Variants in PDCD6 observed in about 807,000 individuals in gnomAD.
PDCD6 encodes programmed cell death protein 6.
In PDCD6, 12 loss-of-function variants were observed where a neutral mutation model predicts 28.3. The observed-to-expected ratio is 0.42, with a 90% CI of 0.27 to 0.69. PDCD6 has a LOEUF of 0.69. Ranked by LOEUF, PDCD6 falls within the 30% of genes least tolerant of loss-of-function variation. PDCD6 has a pLI of 0.22. For synonymous variants in PDCD6, 92 were observed against 108.0 expected, an observed-to-expected ratio of 0.85 and a Z score of 0.92; for missense variants, 226 against 269.9, an observed-to-expected ratio of 0.84 and a Z score of 1.14.
intron 2 of PDCD6, chr5:288,852 T>C: frequency 6.7e-7 from 1 of 1,492,540 alleles, no homozygotes; most frequent in Non-Finnish European, 9.0e-7. Flanking sequence ...CATTGGTTCA[T>C]CGGTGACTTC....
chr5:311,747 G>T, intron 5 of PDCD6: 1 of 261,516 alleles, frequency 3.8e-6, no homozygotes, highest in Non-Finnish European at 7.3e-6. Context: ...AGACGGGAGT[G>T]CAGTGGCACG....
intron 2 of PDCD6, among the ~76,000 whole-genome samples, chr5:287,197 G>A (rs1579500925): frequency 6.6e-6 from 1 of 152,176 alleles, no homozygotes; most frequent in Non-Finnish European, 1.5e-5. Flanking sequence ...TTTGGAGCTG[G>A]AGACCTGTGG....
chr5:314,528 G>C lies in PDCD6; in HGVS notation c.*13G>C, dbSNP rs773289429. The C allele has an allele frequency of 6.3e-7, 1 of 1,577,626 alleles. No individual in the cohort carries two copies. The highest frequency in any genetic ancestry group is 8.7e-7 in the Non-Finnish European group (1 of 1,147,250). ...CAGTATCGTATGACCCTGGCCTCTC[G>C]TGAAGAGCAGCACAACATGGAAAGA... On this transcript the variant is annotated 3_prime_UTR_variant, in exon 6 of 6. Coordinates refer to ENST00000264933, the MANE Select transcript of PDCD6 (RefSeq NM_013232.4).
At chr5:273,285 C>T in intron 2 of PDCD6, 1 of 161,506 alleles carries the variant, frequency 6.2e-6, no homozygotes, top group South Asian at 1.6e-4. Flanking sequence ...GAGGCGCTGG[C>T]CAGGGGATTA....
At chr5:272,014 C>T (rs1243733749) in intron 1 of PDCD6, among the ~76,000 whole-genome samples, 193 bp downstream of exon 1, 1 of 151,984 alleles carries the variant, frequency 6.6e-6, no homozygotes, top group African/African-American at 2.4e-5. Flanking sequence ...GCGGCCGCCC[C>T]CGTCCCCTGG....
chr5:282,281 G>C (rs1264381705), intron 2 of PDCD6, among the ~76,000 whole-genome samples: 21 of 126,944 alleles, frequency 1.7e-4, no homozygotes, highest in Admixed American at 1.2e-3. Context: ...TCGGGGGGGG[G>C]GGAGCTGATG....
At chr5:289,794 A>G in intron 2 of PDCD6, 1 of 1,108,878 alleles carries the variant, frequency 9.0e-7, no homozygotes, top group Non-Finnish European at 1.4e-6. Flanking sequence ...TTGGTCGATT[A>G]CGTGGTCTGG....
Position 314,587 on chromosome 5 carries a change from T to C in PDCD6, c.*72T>C, listed in dbSNP as rs756806245. ...GTCACAGTTCCTATCTGTGAGGGAA[T>C]GGAGCACAGGTGCAGTTAGATGCTG... On this transcript the variant is annotated 3_prime_UTR_variant, in exon 6 of 6. Coordinates refer to ENST00000264933, the MANE Select transcript of PDCD6 (RefSeq NM_013232.4). 1 of 1,080,190 alleles carries C rather than the reference T, an allele frequency of 9.3e-7. No homozygotes were observed. The highest frequency in any genetic ancestry group is 1.4e-6 in the Non-Finnish European group (1 of 699,722). The allele number at this position is 1,080,190 out of a possible 1,614,324, so 66.9% of individuals were successfully genotyped here.
At chr5:276,536 A>C in intron 2 of PDCD6, 1 of 977,226 alleles carries the variant, frequency 1.0e-6, no homozygotes, top group Non-Finnish European at 1.2e-6. Context: ...CCTAGGCTCA[A>C]GTGATCCTCC....
intron 2 of PDCD6, among the ~76,000 whole-genome samples, chr5:292,260 C>T (rs1381033006): frequency 6.6e-6 from 1 of 152,070 alleles, no homozygotes; most frequent in Non-Finnish European, 1.5e-5. Context: ...TTTTATTATT[C>T]CTATTGTTAT....
intron 2 of PDCD6, among the ~76,000 whole-genome samples, chr5:297,642 G>A (rs536582955): frequency 5.9e-5 from 9 of 152,256 alleles, no homozygotes; most frequent in Admixed American, 2.6e-4. Context: ...ACCTGTGCCC[G>A]TGGTGAGAAC....
intron 5 of PDCD6, 29 bp from the exon 6 acceptor site, chr5:314,388 C>T (rs751222340): frequency 3.3e-6 from 5 of 1,526,834 alleles, no homozygotes; most frequent in African/African-American, 2.7e-5. Context: ...CATTTACTAT[C>T]GAGATTTAAA....
intron 2 of PDCD6, among the ~76,000 whole-genome samples, chr5:301,790 T>A (rs551739106): frequency 3.3e-5 from 5 of 150,528 alleles, no homozygotes; most frequent in Non-Finnish European, 7.4e-5. Context: ...CTGCTCTGTG[T>A]GTATGCCTCG....
In PDCD6 at chr5:307,522, G is replaced by A. The variant is rs931370365; in HGVS notation, c.367+762G>A. Among the ~76,000 whole-genome samples the A allele has an allele frequency of 2.6e-5, 4 of 152,202 alleles. No individual in the cohort carries two copies. Among genetic ancestry groups the A allele is most frequent in the African/African-American group, 7.2e-5 (3 of 41,450 alleles). On this transcript the variant is annotated intron_variant, in intron 4 of 5. Coordinates refer to ENST00000264933, the MANE Select transcript of PDCD6 (RefSeq NM_013232.4). The surrounding 1 kb of genome is among the most constrained non-coding windows in gnomAD (Gnocchi z 6.1). Reference sequence around the variant, plus strand: ...AGTGCCTGTCCAGAGTGCGTCCATAGGGCCTGTCCACGGGGCTTCCCGTGC... The same window carrying A: ...AGTGCCTGTCCAGAGTGCGTCCATAAGGCCTGTCCACGGGGCTTCCCGTGC...
At chr5:296,284 T>TC (rs1739604217) in intron 2 of PDCD6, among the ~76,000 whole-genome samples, 1 of 152,082 alleles carries the variant, frequency 6.6e-6, no homozygotes, top group South Asian at 2.1e-4. Flanking sequence ...TCCAGTGTCC[T>TC]CTCCCCCACC....
chr5:301,744 T>G (rs913210715), intron 2 of PDCD6, among the ~76,000 whole-genome samples: 2 of 149,684 alleles, frequency 1.3e-5, no homozygotes, highest in Non-Finnish European at 3.0e-5. Context: ...GAGCACAGCT[T>G]CCCTGCATAA....
chr5:294,672 C>T (rs558291740), intron 2 of PDCD6, among the ~76,000 whole-genome samples: 1 of 152,270 alleles, frequency 6.6e-6, no homozygotes, highest in Non-Finnish European at 1.5e-5. Context: ...CTTACCCTGT[C>T]ATCCAGCAAC....
intron 2 of PDCD6, among the ~76,000 whole-genome samples, chr5:288,097 A>G (rs547246020): frequency 6.6e-6 from 1 of 152,144 alleles, no homozygotes; most frequent in South Asian, 2.1e-4. Context: ...AATGTGTTTA[A>G]CCTGGTATTT....
chr5:285,994 A>G (rs10045536), intron 2 of PDCD6, among the ~76,000 whole-genome samples: 35,773 of 147,168 alleles, frequency 0.24, 6,569 homozygotes, highest in African/African-American at 0.53. Context: ...CTGGAGACCC[A>G]GGTGGGAGCT....
Sources: allele counts gnomAD v4.1 joint callset (sites outside exome capture counted in the v4.1 genomes callset), GRCh38; gene constraint gnomAD v4.1.1; non-coding constraint Gnocchi (gnomAD v3.1); transcripts MANE v1.5; gene names NCBI Gene and HGNC (gene_info 2026-07-23, HGNC 2026-07-21).